CDKAL1: variants seen among roughly 807,000 people sequenced by gnomAD.
CDKAL1 encodes the protein threonylcarbamoyladenosine tRNA methylthiotransferase.
CDKAL1 carries 32 observed loss-of-function variants against 68.2 expected under a neutral mutation model. That is an observed-to-expected ratio of 0.47 (90% CI 0.35 to 0.63). The LOEUF is 0.63. CDKAL1 is among the 30% of genes least tolerant of loss of function. The probability of loss-of-function intolerance (pLI) is 0.00; values close to 1 mark genes in which losing one functional copy is unlikely to be tolerated. For synonymous variants in CDKAL1, 234 were observed against 244.3 expected (o/e 0.96, Z 0.39); for missense variants, 606 against 696.7 (o/e 0.87, Z 1.47).
intron 8 of CDKAL1, among the ~76,000 whole-genome samples, chr6:20,808,983 A>G (rs1776683279): frequency 1.3e-5 from 2 of 152,296 alleles, no homozygotes; most frequent in South Asian, 4.1e-4. Context: ...ATTTTTAGCT[A>G]TAACACTTGA....
intron 9 of CDKAL1, among the ~76,000 whole-genome samples, chr6:20,908,082 C>T (rs1164727929): frequency 1.3e-5 from 2 of 152,148 alleles, no homozygotes; most frequent in Admixed American, 1.3e-4. Context: ...TAACCCAGAA[C>T]CTTACCAGCG....
At chr6:20,735,482 T>A (rs1773148593) in intron 5 of CDKAL1, among the ~76,000 whole-genome samples, 1 of 152,102 alleles carries the variant, frequency 6.6e-6, no homozygotes, top group Non-Finnish European at 1.5e-5. Flanking sequence ...GAGAACAGCA[T>A]GAGGGAAACG....
At chr6:20,973,113 CATT>C (rs1158182381) in intron 10 of CDKAL1, among the ~76,000 whole-genome samples, 3 of 151,268 alleles carry the variant, frequency 2.0e-5, no homozygotes, top group Non-Finnish European at 2.9e-5. Flanking sequence ...AATGGAGTAT[CATT>C]ATTTAGCTTA....
chr6:20,781,096 G>A lies in CDKAL1; in HGVS notation c.518-49G>A, dbSNP rs771903108. ...CATTTGTTGAAAGCGTTAAGTTACA[G>A]TGAAGTGTGTAACTCTTGCTAATGT... On this transcript the variant is annotated intron_variant, in intron 7 of 15. Transcript: ENST00000274695. 5.7e-5 allele frequency: 89 copies of A among 1,567,968 alleles called. No homozygotes were observed. In the Admixed American group the frequency reaches 1.0e-3, roughly 18 times the overall value.
intron 8 of CDKAL1, among the ~76,000 whole-genome samples, chr6:20,835,523 T>TTTGTC (rs1042874094): frequency 6.9e-5 from 10 of 145,216 alleles, no homozygotes; most frequent in African/African-American, 1.9e-4. Flanking sequence ...TGTCTTGTCT[T>TTTGTC]TTGTCTTGTC....
At chr6:20,659,453 C>A (rs577852704) in intron 5 of CDKAL1, among the ~76,000 whole-genome samples, 1 of 152,188 alleles carries the variant, frequency 6.6e-6, no homozygotes, top group South Asian at 2.1e-4. Flanking sequence ...CAAAAAGTAT[C>A]CTTTTACATG....
intron 4 of CDKAL1, among the ~76,000 whole-genome samples, chr6:20,635,360 C>A (rs1009769279): frequency 2.0e-5 from 3 of 152,152 alleles, no homozygotes; most frequent in Admixed American, 6.5e-5. Context: ...CCTTTGTAGT[C>A]CCTGGTCCCA....
intron 3 of CDKAL1, 141 bp downstream of exon 3, chr6:20,546,664 C>A: frequency 1.7e-6 from 1 of 591,030 alleles, no homozygotes; most frequent in Non-Finnish European, 2.9e-6. Context: ...AGCTATTCTC[C>A]TGCCTCTGCC....
rs549769598 is a variant in CDKAL1 at position 20,622,546 on chromosome 6, G to GT, written c.287-26745dup. 2.6e-3 allele frequency among the ~76,000 whole-genome samples: 399 copies of GT among 152,142 alleles called. 1 individual carries two copies. Among genetic ancestry groups the GT allele is most frequent in the African/African-American group, 9.2e-3 (382 of 41,530 alleles). ...GCCTACTCTGCTTCTAGATGACAGT[G>GT]TTCAAAAGCTTATAGTTTCAGTTTG... On this transcript the variant is annotated intron_variant, in intron 4 of 15. Transcript: ENST00000274695.
chr6:20,876,456 A>G (rs890580201), intron 9 of CDKAL1, among the ~76,000 whole-genome samples: 1 of 152,196 alleles, frequency 6.6e-6, no homozygotes, highest in Admixed American at 6.5e-5. Context: ...TTCTTTGGCA[A>G]TTGTCTCTTA....
intron 13 of CDKAL1, among the ~76,000 whole-genome samples, chr6:21,128,532 T>A (rs1562054135): frequency 6.6e-6 from 1 of 152,252 alleles, no homozygotes; most frequent in Non-Finnish European, 1.5e-5. Flanking sequence ...GCTAACACAC[T>A]GCCTTTGTTA....
At chr6:21,199,080 T>G (rs1372880376) in intron 14 of CDKAL1, among the ~76,000 whole-genome samples, 3 of 152,246 alleles carry the variant, frequency 2.0e-5, no homozygotes, top group Non-Finnish European at 2.9e-5. Flanking sequence ...TTTTTGCTTC[T>G]TTCTTATCAG....
At chr6:20,676,466 G>C (rs62397646) in intron 5 of CDKAL1, among the ~76,000 whole-genome samples, 5,616 of 152,074 alleles carry the variant, frequency 0.037, 111 homozygotes, top group Middle Eastern at 0.082. Flanking sequence ...AGGAGATCGA[G>C]ACCATCCTGG....
intron 5 of CDKAL1, among the ~76,000 whole-genome samples, chr6:20,738,243 G>T (rs920831144): frequency 1.3e-5 from 2 of 152,074 alleles, no homozygotes; most frequent in African/African-American, 4.8e-5. Flanking sequence ...ACATGCAAAA[G>T]AATTAAAGAC....
intron 11 of CDKAL1, among the ~76,000 whole-genome samples, chr6:21,004,677 G>A (rs1486605834): frequency 6.6e-6 from 1 of 152,086 alleles, no homozygotes; most frequent in African/African-American, 2.4e-5. Flanking sequence ...GAAATAATCT[G>A]TGTTTGGCTG....
chr6:21,034,721 G>C lies in CDKAL1; in HGVS notation c.1056-30327G>C, dbSNP rs918496257. ...ACTTGTTCGTGTGAATATAGGGTTA[G>C]TTTAGTACCGCTGTTTGTTCATCCA... On this transcript the variant is annotated intron_variant, in intron 11 of 15. Coordinates refer to ENST00000274695, the MANE Select transcript of CDKAL1 (RefSeq NM_017774.3). 8.5e-5 allele frequency among the ~76,000 whole-genome samples: 13 copies of C among 152,180 alleles called. 1 individual carries two copies. Among genetic ancestry groups the C allele is most frequent in the African/African-American group, 3.1e-4 (13 of 41,444 alleles).
At chr6:21,179,153 G>A (rs985734511) in intron 13 of CDKAL1, among the ~76,000 whole-genome samples, 1 of 152,206 alleles carries the variant, frequency 6.6e-6, no homozygotes, top group Non-Finnish European at 1.5e-5. Flanking sequence ...TTTTCAGGGT[G>A]AGGGAGGGCC....
intron 13 of CDKAL1, among the ~76,000 whole-genome samples, chr6:21,191,999 T>C (rs1429243253): frequency 3.8e-5 from 2 of 53,018 alleles, no homozygotes; most frequent in African/African-American, 8.5e-5. Flanking sequence ...TTTCTTTTTT[T>C]TTTTTTTTTT....
At chr6:20,978,404 C>T (rs1307010494) in intron 10 of CDKAL1, among the ~76,000 whole-genome samples, 2 of 152,214 alleles carry the variant, frequency 1.3e-5, no homozygotes, top group African/African-American at 4.8e-5. Flanking sequence ...CTTTCACAGT[C>T]TTGCCATTTC....
Sources: gnomAD v4.1 joint callset for allele counts (sites outside exome capture counted in the v4.1 genomes callset) on GRCh38, gnomAD v4.1.1 for gene constraint, MANE v1.5 for transcripts, NCBI Gene and HGNC (gene_info 2026-07-23, HGNC 2026-07-21) for gene names.